Variants in MKLN1 observed in about 807,000 individuals in gnomAD.
MKLN1 encodes the protein muskelin 1.
MKLN1 carries 18 observed loss-of-function variants against 99.0 expected under a neutral mutation model. The observed-to-expected ratio is 0.18, with a 90% CI of 0.13 to 0.27. MKLN1 has a LOEUF of 0.27. Ranked by LOEUF, MKLN1 falls within the 10% of genes least tolerant of loss-of-function variation. The pLI, the probability that MKLN1 is intolerant of heterozygous loss-of-function variation, is 1.00. For synonymous variants in MKLN1, 288 were observed against 293.2 expected, an observed-to-expected ratio of 0.98 and a Z score of 0.18; for missense variants, 621 against 875.9, an observed-to-expected ratio of 0.71 and a Z score of 3.67.
In MKLN1 at chr7:131,496,211, C is replaced by T. The variant is rs1266801750; in HGVS notation, c.*8483C>T. 6.6e-6 allele frequency: 1 copy of T among 152,096 alleles called. No homozygotes were observed. The highest frequency in any genetic ancestry group is 6.5e-5 in the Admixed American group (1 of 15,274). The allele number at this position is 152,096 out of a possible 1,614,324, so 9.4% of individuals were successfully genotyped here. Reference sequence around the variant, plus strand: ...CCCCTCTTCTGTGGCAATGTGGGGTCAGGGCCGTATCCTAAAGTATCCACA... The same window carrying T: ...CCCCTCTTCTGTGGCAATGTGGGGTTAGGGCCGTATCCTAAAGTATCCACA... On this transcript the variant is annotated 3_prime_UTR_variant, in exon 18 of 18. Transcript: ENST00000352689.
chr7:131,308,261 G>GTTT (rs35421090), intron 3 of MKLN1, among the ~76,000 whole-genome samples: 19 of 132,534 alleles, frequency 1.4e-4, no homozygotes, highest in East Asian at 4.5e-4. Context: ...GTCTCACGTA[G>GTTT]TTTTTTTTTT....
chr7:131,144,088 A>C (rs1026241451), intron 2 of MKLN1, among the ~76,000 whole-genome samples: 2 of 152,208 alleles, frequency 1.3e-5, no homozygotes, highest in African/African-American at 4.8e-5. Flanking sequence ...TTATGAGGGC[A>C]GGCAATTTTT....
Position 131,388,959 on chromosome 7 carries a change from A to T in MKLN1, c.387A>T (p.Arg129=). The T allele has an allele frequency of 6.3e-7, 1 of 1,599,548 alleles. No individual in the cohort carries two copies. Among genetic ancestry groups the T allele is most frequent in the South Asian group, 1.1e-5 (1 of 89,180 alleles). Residue 129 remains arginine (R), a synonymous_variant, in exon 4 of 18, where the codon CGA becomes CGT. Transcript: ENST00000352689. ...TTGATGAACAGATGTTCCCTTGTCG[A>T]TTCATTAAAATAGGTAAGATTTTAG... ...HKIDEQMFPC[R]FIKIVPLLSW...
chr7:131,156,599 T>TATA (rs1288436247), intron 2 of MKLN1, among the ~76,000 whole-genome samples: 1 of 152,220 alleles, frequency 6.6e-6, no homozygotes, highest in African/African-American at 2.4e-5. Flanking sequence ...AAGCCCATTT[T>TATA]ATAATAAAGT....
intron 1 of MKLN1, among the ~76,000 whole-genome samples, chr7:131,354,224 C>T (rs1417213549): frequency 2.0e-5 from 3 of 151,992 alleles, no homozygotes; most frequent in Middle Eastern, 3.2e-3. Flanking sequence ...GGAGAATTGC[C>T]ATCATTGCTA....
intron 1 of MKLN1, among the ~76,000 whole-genome samples, chr7:131,135,333 G>T (rs1795632771): frequency 6.6e-6 from 1 of 152,144 alleles, no homozygotes; most frequent in African/African-American, 2.4e-5. Context: ...ATGCTGGCCA[G>T]GCTGGTCTCA....
chr7:131,491,739 T>C lies in MKLN1; in HGVS notation c.*4011T>C, dbSNP rs554905401. ...GCTTTTTCTTTTTCTGAATAAATGC[T>C]GTATTAGAGGTTCTATTTATATATG... On this transcript the variant is annotated 3_prime_UTR_variant, in exon 18 of 18. Coordinates refer to ENST00000352689, the MANE Select transcript of MKLN1 (RefSeq NM_013255.5). 21 of 152,746 alleles carry C rather than the reference T, an allele frequency of 1.4e-4. No individual in the cohort carries two copies. Among genetic ancestry groups the C allele is most frequent in the East Asian group, 3.9e-4 (2 of 5,184 alleles). 9.5% of individuals were successfully genotyped at this position (152,746 alleles called of 1,614,324 possible).
intron 3 of MKLN1, chr7:131,310,371 A>G (rs1341102147): frequency 6.6e-6 from 1 of 152,218 alleles, no homozygotes; most frequent in Non-Finnish European, 1.5e-5. Flanking sequence ...TTTTGAAAGC[A>G]CTGATGATCA....
chr7:131,353,318 A>G (rs963728290), intron 1 of MKLN1, among the ~76,000 whole-genome samples: 1 of 151,538 alleles, frequency 6.6e-6, no homozygotes, highest in African/African-American at 2.4e-5. Flanking sequence ...GCATATAGTG[A>G]TATCTGATTT....
intron 12 of MKLN1, 71 bp from the exon 13 acceptor site, chr7:131,463,141 AGAAAG>A (rs1449416072): frequency 7.0e-6 from 9 of 1,280,942 alleles, no homozygotes; most frequent in Non-Finnish European, 9.9e-6. Flanking sequence ...AAGAAAGAAA[AGAAAG>A]GAAGGAAGGA....
At chr7:131,248,114 T>C (rs1370337448) in intron 3 of MKLN1, among the ~76,000 whole-genome samples, 2 of 152,070 alleles carry the variant, frequency 1.3e-5, no homozygotes, top group Non-Finnish European at 2.9e-5. Context: ...TTTGTAGATA[T>C]GAGGCTTCCC....
chr7:131,228,580 A>G (rs1003398802), intron 3 of MKLN1, among the ~76,000 whole-genome samples: 2 of 152,188 alleles, frequency 1.3e-5, no homozygotes, highest in African/African-American at 4.8e-5. Flanking sequence ...CGCTTTCTTC[A>G]TCTATAAAAT....
intron 2 of MKLN1, among the ~76,000 whole-genome samples, chr7:131,192,086 TTATA>T (rs1554534643): frequency 2.5e-5 from 2 of 81,334 alleles, no homozygotes; most frequent in South Asian, 3.3e-4. Flanking sequence ...TACATATATA[TTATA>T]TATATATGTA....
rs905530553 is a variant in MKLN1 at position 131,438,474 on chromosome 7, A to G, written c.1173+477A>G. Among the ~76,000 whole-genome samples, 7 of 148,316 alleles carry G rather than the reference A, an allele frequency of 4.7e-5. No homozygotes were observed. The East Asian group carries it at 7.8e-4, about 17-fold the overall frequency. On this transcript the variant is annotated intron_variant, in intron 10 of 17. Coordinates refer to ENST00000352689, the MANE Select transcript of MKLN1 (RefSeq NM_013255.5). ...GTATAAACCTAGAGGGGAATTTGACATACTAGATTAAACTCAGCACCAATA... is the reference window on the plus strand; with the variant it reads ...GTATAAACCTAGAGGGGAATTTGACGTACTAGATTAAACTCAGCACCAATA...
chr7:131,459,189 T>A (rs1391357437), intron 12 of MKLN1, among the ~76,000 whole-genome samples: 1 of 152,212 alleles, frequency 6.6e-6, no homozygotes, highest in African/African-American at 2.4e-5. Context: ...CAGATTCTTC[T>A]TGGCCCCTCT....
At chr7:131,222,424 C>T (rs1333462162) in intron 3 of MKLN1, among the ~76,000 whole-genome samples, 3 of 152,114 alleles carry the variant, frequency 2.0e-5, no homozygotes, top group South Asian at 2.1e-4. Flanking sequence ...CTTTAATACC[C>T]GAAGTCATGC....
chr7:131,164,489 A>T (rs1024867013), intron 2 of MKLN1, among the ~76,000 whole-genome samples: 1 of 152,320 alleles, frequency 6.6e-6, no homozygotes, highest in Admixed American at 6.5e-5. Flanking sequence ...CTGGACTCCT[A>T]TAAGATTAAT....
intron 2 of MKLN1, among the ~76,000 whole-genome samples, chr7:131,199,260 A>G (rs1481506699): frequency 7.2e-6 from 1 of 139,736 alleles, no homozygotes; most frequent in East Asian, 1.9e-4. Flanking sequence ...TCACATTAAA[A>G]AAAAAAAAAA....
intron 3 of MKLN1, among the ~76,000 whole-genome samples, chr7:131,219,314 CTTGATAAATATT>C (rs930706740): frequency 6.6e-6 from 1 of 152,074 alleles, no homozygotes; most frequent in Non-Finnish European, 1.5e-5. Flanking sequence ...ATAGTAGGCA[CTTGATAAATATT>C]TTGCCTCCCC....
Sources: allele counts gnomAD v4.1 joint callset (sites outside exome capture counted in the v4.1 genomes callset), GRCh38; gene constraint gnomAD v4.1.1; transcripts MANE v1.5; gene names NCBI Gene and HGNC (gene_info 2026-07-23, HGNC 2026-07-21).